Variants in WWOX observed in about 807,000 individuals in gnomAD.
WWOX encodes the protein WW domain-containing oxidoreductase.
In WWOX, 69 loss-of-function variants were observed where a neutral mutation model predicts 46.2. The observed-to-expected ratio is 1.49, with a 90% confidence interval of 1.23 to 1.82. WWOX has a LOEUF of 1.82. Among genes scored for constraint, WWOX ranks in the 40% most tolerant of loss-of-function variants. The probability of loss-of-function intolerance (pLI) is 0.00; values close to 1 mark genes in which losing one functional copy is unlikely to be tolerated. For synonymous variants in WWOX, 359 were observed against 202.6 expected (o/e 1.77, Z -6.56); for missense variants, 919 against 542.6 (o/e 1.69, Z -6.89).
At chr16:78,538,630 G>C (rs1006626781) in intron 8 of WWOX, among the ~76,000 whole-genome samples, 1 of 152,138 alleles carries the variant, frequency 6.6e-6, no homozygotes, top group African/African-American at 2.4e-5. Context: ...TGCCTCCAAA[G>C]ACTTTGTGTT....
chr16:78,933,325 G>A (rs1449860824), intron 8 of WWOX, among the ~76,000 whole-genome samples: 1 of 152,210 alleles, frequency 6.6e-6, no homozygotes, highest in Non-Finnish European at 1.5e-5. Context: ...TGTAGTCCCA[G>A]CTACTCAGGA....
intron 8 of WWOX, among the ~76,000 whole-genome samples, chr16:78,979,291 G>C (rs1386262475): frequency 2.6e-5 from 4 of 152,094 alleles, no homozygotes; most frequent in Non-Finnish European, 5.9e-5. Context: ...CTGTGTTTTA[G>C]TTCATCTCCT....
chr16:78,392,261 G>C (rs116121328), intron 6 of WWOX, among the ~76,000 whole-genome samples: 3 of 152,108 alleles, frequency 2.0e-5, no homozygotes, highest in Non-Finnish European at 2.9e-5. Context: ...TCATAGGACC[G>C]TGATCCCTAT....
rs536193057 is a variant in WWOX at position 78,625,396 on chromosome 16, C to G, written c.1056+192644C>G. Among the ~76,000 whole-genome samples the G allele has an allele frequency of 5.8e-4, 88 of 152,308 alleles. 1 individual carries two copies. The highest frequency in any genetic ancestry group is 1.1e-3 in the Non-Finnish European group (73 of 68,030). On this transcript the variant is annotated intron_variant, in intron 8 of 8. Transcript: ENST00000566780. ...AAATTCACCCCCACACAATCCACAA[C>G]CTACTACTAGAATGCCATATGCTTT...
chr16:78,655,673 C>A (rs928930195), intron 8 of WWOX, among the ~76,000 whole-genome samples: 2 of 151,650 alleles, frequency 1.3e-5, no homozygotes, highest in Non-Finnish European at 2.9e-5. Context: ...AACAGAGATG[C>A]AAGGGGCTGG....
chr16:78,846,876 A>T (rs1370797316), intron 8 of WWOX, among the ~76,000 whole-genome samples: 1 of 152,178 alleles, frequency 6.6e-6, no homozygotes, highest in African/African-American at 2.4e-5. Context: ...ATTCTTCTAC[A>T]TGGAAGGCTG....
intron 8 of WWOX, among the ~76,000 whole-genome samples, chr16:78,567,942 G>C (rs1014158507): frequency 6.6e-6 from 1 of 152,126 alleles, no homozygotes; most frequent in Non-Finnish European, 1.5e-5. Context: ...GGGGCTCTGC[G>C]AGGTTTATTA....
chr16:78,166,086 C>G (rs1428949769), intron 5 of WWOX, among the ~76,000 whole-genome samples: 2 of 151,856 alleles, frequency 1.3e-5, no homozygotes, highest in African/African-American at 4.8e-5. Flanking sequence ...TGGTCCTTCT[C>G]TTGGAAGATA....
intron 8 of WWOX, among the ~76,000 whole-genome samples, chr16:78,953,593 C>T (rs987816333): frequency 3.9e-5 from 6 of 152,138 alleles, no homozygotes; most frequent in Non-Finnish European, 7.3e-5. Flanking sequence ...GTGTCCCCTC[C>T]ACTGTTGCCT....
chr16:78,314,714 T>TG (rs1567494599), intron 5 of WWOX, among the ~76,000 whole-genome samples: 3 of 142,038 alleles, frequency 2.1e-5, no homozygotes, highest in African/African-American at 8.0e-5. Flanking sequence ...TTTTTTTTTT[T>TG]TTTTTTTCTG....
intron 8 of WWOX, among the ~76,000 whole-genome samples, chr16:78,775,130 A>G (rs745841070): frequency 2.6e-5 from 4 of 152,202 alleles, no homozygotes; most frequent in Non-Finnish European, 5.9e-5. Flanking sequence ...CTGTATTTTT[A>G]GAAGTGTCTG....
At chr16:78,728,545 G>A (rs761442129) in intron 8 of WWOX, among the ~76,000 whole-genome samples, 11 of 152,078 alleles carry the variant, frequency 7.2e-5, no homozygotes, top group African/African-American at 1.4e-4. Context: ...GAAAAACTCC[G>A]CTGTCTAGTT....
At chr16:79,180,306 G>T (rs1199396729) in intron 8 of WWOX, among the ~76,000 whole-genome samples, 1 of 152,214 alleles carries the variant, frequency 6.6e-6, no homozygotes, top group Non-Finnish European at 1.5e-5. Flanking sequence ...AAGGTGGAAG[G>T]TCACGCAAGG....
At chr16:78,109,116 A>G (rs777611458) in intron 2 of WWOX, among the ~76,000 whole-genome samples, 6 of 152,218 alleles carry the variant, frequency 3.9e-5, no homozygotes, top group Non-Finnish European at 5.9e-5. Context: ...AATTAAATAT[A>G]TAAGTATTTG....
chr16:78,924,571 A>T (rs1046551617), intron 8 of WWOX, among the ~76,000 whole-genome samples: 38 of 152,188 alleles, frequency 2.5e-4, no homozygotes, highest in African/African-American at 8.9e-4. Context: ...CACTGTTGTT[A>T]GGAGGATAAG....
At chr16:78,701,773 C>T (rs1302737028) in intron 8 of WWOX, among the ~76,000 whole-genome samples, 1 of 151,786 alleles carries the variant, frequency 6.6e-6, no homozygotes, top group Non-Finnish European at 1.5e-5. Flanking sequence ...GGCCCTTGCT[C>T]TGAGATGCAG....
intron 8 of WWOX, chr16:79,101,405 A>G (rs1465217399): frequency 6.6e-6 from 1 of 152,182 alleles, no homozygotes; most frequent in Non-Finnish European, 1.5e-5. Flanking sequence ...AATTCCCCAA[A>G]TTTACAAATA....
At chr16:78,768,658 AG>A (rs2142511342) in intron 8 of WWOX, among the ~76,000 whole-genome samples, 1 of 151,476 alleles carries the variant, frequency 6.6e-6, no homozygotes, top group Admixed American at 6.6e-5. Flanking sequence ...TAATTTTCAG[AG>A]GTTGTGAAAT....
intron 5 of WWOX, among the ~76,000 whole-genome samples, chr16:78,360,252 G>A (rs1332592619): frequency 2.0e-5 from 3 of 152,160 alleles, no homozygotes; most frequent in African/African-American, 7.2e-5. Flanking sequence ...CTGGTGTTCT[G>A]TCAATTTTTA....
Sources: gnomAD v4.1 joint callset for allele counts (sites outside exome capture counted in the v4.1 genomes callset) on GRCh38, gnomAD v4.1.1 for gene constraint, MANE v1.5 for transcripts, NCBI Gene and HGNC (gene_info 2026-07-23, HGNC 2026-07-21) for gene names.